EPGN: variants seen among roughly 807,000 people sequenced by gnomAD.
EPGN encodes the protein epigen.
In EPGN, 21 loss-of-function variants were observed where a neutral mutation model predicts 20.7. The observed-to-expected ratio is 1.01, with a 90% confidence interval of 0.72 to 1.46. The LOEUF (loss-of-function observed/expected upper bound fraction) is 1.46, where lower values mean the gene tolerates loss of function less well. Ranked by LOEUF, EPGN falls within the 40% of genes most tolerant of loss-of-function variation. EPGN has a pLI of 0.00. For missense variants in EPGN, 199 were observed against 180.7 expected (o/e 1.10, Z -0.58); for synonymous variants, 69 against 63.8 (o/e 1.08, Z -0.39).
In EPGN at chr4:74,313,059, C is replaced by CT. The variant is rs1342888192; in HGVS notation, c.299dup (p.Leu100PhefsTer10). ...ACTGGAGAAAGGTGTGAGCACTTGA[C>CT]TTTAACTTCATATGCTGTGGATTCT... On this transcript the variant is annotated frameshift_variant, in exon 4 of 5. Transcript: ENST00000413830. LOFTEE classifies it high-confidence loss of function. 6.2e-7 allele frequency: 1 copy of CT among 1,612,740 alleles called. No individual in the cohort carries two copies. Among genetic ancestry groups the CT allele is most frequent in the Non-Finnish European group, 8.5e-7 (1 of 1,179,644 alleles).
rs747900625 is a variant in EPGN at position 74,314,597 on chromosome 4, C to T, written c.425C>T (p.Ser142Leu). Residue 142 changes from serine (S) to leucine (L), a missense_variant, in exon 5 of 5, where the codon TCG becomes TTG. By Grantham distance (145) the Ser-to-Leu change is moderately radical. Transcript: ENST00000413830. ...TGTTTCAGGTGTCTAAAATTGAAAT[C>T]GCCTTACAATGTCTGTTCTGGAGAA... ...YIRKRCLKLK[S>L]PYNVCSGERR... The T allele has an allele frequency of 3.9e-6, 6 of 1,535,958 alleles. No individual in the cohort carries two copies. The African/African-American group carries it at 4.1e-5, about 11-fold the overall frequency.
In EPGN at chr4:74,308,618, A is replaced by G. The variant is rs768608578; in HGVS notation, c.43+42A>G. ...TGTTTTGTTAACTTTATATCAGTGT[A>G]AAATGTGAATAGAATTTATTTTCTC... On this transcript the variant is annotated intron_variant, in intron 1 of 4. Transcript: ENST00000413830. 7 of 1,527,010 alleles carry G rather than the reference A, an allele frequency of 4.6e-6. No homozygotes were observed. The African/African-American group carries it at 9.6e-5, about 21-fold the overall frequency. 94.6% of individuals were successfully genotyped at this position (1,527,010 alleles called of 1,614,324 possible).
Position 74,308,608 on chromosome 4 carries a change from A to G in EPGN, c.43+32A>G, listed in dbSNP as rs138592325. 3.6e-4 allele frequency: 559 copies of G among 1,573,678 alleles called. 2 individuals are homozygous for G. In the East Asian group the frequency reaches 8.4e-3, roughly 24 times the overall value. On this transcript the variant is annotated intron_variant, in intron 1 of 4. Transcript: ENST00000413830. ...AATTTCCTTTTGTTTTGTTAACTTT[A>G]TATCAGTGTAAAATGTGAATAGAAT... is the stretch of plus-strand genomic sequence containing the variant.
intron 2 of EPGN, 50 bp downstream of exon 2, chr4:74,309,232 A>G: frequency 6.5e-7 from 1 of 1,530,392 alleles, no homozygotes; most frequent in Non-Finnish European, 9.0e-7. Context: ...AAAACTTGGG[A>G]GAGAAATTTG....
rs144683986 is a variant in EPGN, at chr4:74,308,575, C to T, written c.42C>T (p.Asn14=). The change falls in exon 1 of 5, where the codon AAC becomes AAT. Residue 14 remains asparagine, a splice_region_variant and synonymous_variant. Transcript: ENST00000413830. ...CAATATCAGTCTATCTTTTATTCAA[C>T]GGTAGGTAATTTCCTTTTGTTTTGT... The part of the protein sequence containing the change: ...GVPISVYLLF[N]AMTALTEEAA... 2.7e-4 allele frequency: 438 copies of T among 1,607,940 alleles called. No homozygotes were observed. The highest frequency in any genetic ancestry group is 6.7e-4 in the Middle Eastern group (4 of 6,012).
At chr4:74,313,570 C>T (rs921407882) in intron 4 of EPGN, 1 of 1,038,726 alleles carries the variant, frequency 9.6e-7, no homozygotes, top group African/African-American at 1.7e-5. Context: ...GAAATAAAAT[C>T]AAGAAACAAG....
chr4:74,314,890 T>C lies in EPGN; in HGVS notation c.*253T>C, dbSNP rs897439492. The C allele has an allele frequency of 3.9e-6, 2 of 516,672 alleles. No individual in the cohort carries two copies. The highest frequency in any genetic ancestry group is 1.9e-5 in the African/African-American group (1 of 51,418). The allele number at this position is 516,672 out of a possible 1,614,324, so 32.0% of individuals were successfully genotyped here. A position where few individuals can be genotyped will look rare whatever the true frequency, so the allele number is the denominator to read the frequency against. ...TCATAGTTTCACTCTGGGTTTTTTGTTGTTGTGTGGTTATTATTCTCACTA... is the reference window on the plus strand; with the variant it reads ...TCATAGTTTCACTCTGGGTTTTTTGCTGTTGTGTGGTTATTATTCTCACTA... On this transcript the variant is annotated 3_prime_UTR_variant, in exon 5 of 5. Transcript: ENST00000413830.
chr4:74,309,090 C>G lies in EPGN; in HGVS notation c.44-3C>G. 10 of 1,611,218 alleles carry G rather than the reference C, an allele frequency of 6.2e-6. No individual in the cohort carries two copies. Among genetic ancestry groups the G allele is most frequent in the Non-Finnish European group, 8.5e-6 (10 of 1,178,144 alleles). On this transcript the variant is annotated splice_polypyrimidine_tract_variant and splice_region_variant and intron_variant, in intron 1 of 4. Transcript: ENST00000413830. ...TAAAGATGCTTTTGCCCCCTTAATA[C>G]AGCAATGACAGCACTGACCGAAGAG...
Position 74,308,527 on chromosome 4 carries a change from A to T in EPGN, c.-7A>T. 6.2e-7 allele frequency: 1 copy of T among 1,608,204 alleles called. No individual in the cohort carries two copies. Among genetic ancestry groups the T allele is most frequent in the Non-Finnish European group, 8.5e-7 (1 of 1,176,598 alleles). Reference sequence around the variant, plus strand: ...ATAAGAGAAAGAAAGTTAAGCAACTACAGGAAATGGCTTTGGGAGTTCCAA... The same window carrying T: ...ATAAGAGAAAGAAAGTTAAGCAACTTCAGGAAATGGCTTTGGGAGTTCCAA... On this transcript the variant is annotated 5_prime_UTR_variant, in exon 1 of 5. Transcript: ENST00000413830.
At chr4:74,312,022 C>A (rs1750988330) in intron 2 of EPGN, among the ~76,000 whole-genome samples, 163 bp from the exon 3 acceptor site, 1 of 152,054 alleles carries the variant, frequency 6.6e-6, no homozygotes, top group Non-Finnish European at 1.5e-5. Context: ...TGATATTAAC[C>A]CAGCCCTTGT....
chr4:74,309,947 C>A (rs1490077643), intron 2 of EPGN, among the ~76,000 whole-genome samples: 2 of 152,028 alleles, frequency 1.3e-5, no homozygotes, highest in African/African-American at 4.8e-5. Context: ...CAGAGTCAGG[C>A]AAATAAAGGA....
chr4:74,314,241 T>C (rs1751154507), intron 4 of EPGN: 1 of 497,742 alleles, frequency 2.0e-6, no homozygotes, highest in Non-Finnish European at 3.9e-6. Flanking sequence ...AGATCTAGAA[T>C]GTGAATAGCA....
chr4:74,313,992 A>G, intron 4 of EPGN: 1 of 368,452 alleles, frequency 2.7e-6, no homozygotes. Context: ...AATAATAATA[A>G]GGGGGAGGAG....
chr4:74,311,733 A>G (rs1287233535), intron 2 of EPGN, among the ~76,000 whole-genome samples: 1 of 152,196 alleles, frequency 6.6e-6, no homozygotes, highest in Non-Finnish European at 1.5e-5. Context: ...AATCTTGTTT[A>G]TTATCTCACA....
At chr4:74,309,960 ATTGTC>A (rs1352249005) in intron 2 of EPGN, among the ~76,000 whole-genome samples, 1 of 152,090 alleles carries the variant, frequency 6.6e-6, no homozygotes, top group Non-Finnish European at 1.5e-5. Flanking sequence ...ATAAAGGAAG[ATTGTC>A]ATATCTCAGT....
intron 2 of EPGN, among the ~76,000 whole-genome samples, chr4:74,311,900 C>T (rs1750979209): frequency 6.6e-6 from 1 of 152,166 alleles, no homozygotes; most frequent in African/African-American, 2.4e-5. Context: ...ATGCTGCCAC[C>T]TTTTGGTGAA....
Position 74,314,829 on chromosome 4 carries a change from A to G in EPGN, c.*192A>G. On this transcript the variant is annotated 3_prime_UTR_variant, in exon 5 of 5. Transcript: ENST00000413830. ...TTTGCCATCCTTAAGGAGTGATGGA[A>G]GCCAAGTGAACAAGCCTCAGTGACA... 1.7e-6 allele frequency: 1 copy of G among 588,406 alleles called. No individual in the cohort carries two copies. The allele number at this position is 588,406 out of a possible 1,614,324, so 36.4% of individuals were successfully genotyped here.
intron 1 of EPGN, among the ~76,000 whole-genome samples, chr4:74,308,887 T>C (rs1477037268): frequency 6.6e-6 from 1 of 152,212 alleles, no homozygotes; most frequent in African/African-American, 2.4e-5. Context: ...GTCTTAAATA[T>C]TGGGTTTTTA....
At chr4:74,312,858 T>C (rs935613758) in intron 3 of EPGN, among the ~76,000 whole-genome samples, 160 bp from the exon 4 acceptor site, 3 of 152,206 alleles carry the variant, frequency 2.0e-5, no homozygotes, top group Admixed American at 1.3e-4. Flanking sequence ...GGAAAATTCA[T>C]AGCTGCTTCA....
Sources: allele counts gnomAD v4.1 joint callset (sites outside exome capture counted in the v4.1 genomes callset), GRCh38; gene constraint gnomAD v4.1.1; transcripts MANE v1.5; gene names NCBI Gene and HGNC (gene_info 2026-07-23, HGNC 2026-07-21).